The following ADGRL3 variants were observed in gnomAD, a reference collection of about 807,000 sequenced individuals.
ADGRL3 encodes calcium-independent alpha-latrotoxin receptor 3.
In ADGRL3, 62 loss-of-function variants were observed where a neutral mutation model predicts 153.5. The observed-to-expected ratio is 0.40, with a 90% CI of 0.33 to 0.50. The LOEUF (loss-of-function observed/expected upper bound fraction) is 0.50, where lower values mean the gene tolerates loss of function less well. Ranked by LOEUF, ADGRL3 falls within the 20% of genes least tolerant of loss-of-function variation. The pLI, the probability that ADGRL3 is intolerant of heterozygous loss-of-function variation, is 0.47. For missense variants in ADGRL3, 1,641 were observed against 1,859.4 expected (o/e 0.88, Z 2.16); for synonymous variants, 710 against 672.5 (o/e 1.06, Z -0.86).
At chr4:61,411,963 T>C (rs1006467218) in intron 2 of ADGRL3, among the ~76,000 whole-genome samples, 2 of 152,246 alleles carry the variant, frequency 1.3e-5, no homozygotes, top group African/African-American at 2.4e-5. Flanking sequence ...TAACAATGTG[T>C]TAACCCTCAT....
intron 4 of ADGRL3, among the ~76,000 whole-genome samples, chr4:61,524,999 C>A (rs991617822): frequency 6.6e-6 from 1 of 152,000 alleles, no homozygotes; most frequent in African/African-American, 2.4e-5. Context: ...CTTGTGCCTA[C>A]AACATCTATG....
intron 8 of ADGRL3, among the ~76,000 whole-genome samples, chr4:61,801,439 CTG>C (rs938695846): frequency 2.6e-5 from 4 of 152,070 alleles, no homozygotes; most frequent in African/African-American, 9.6e-5. Flanking sequence ...GATTTAAACT[CTG>C]TTGTTCAGCC....
chr4:61,938,509 G>A (rs2098849153), intron 15 of ADGRL3, among the ~76,000 whole-genome samples: 1 of 152,096 alleles, frequency 6.6e-6, no homozygotes, highest in Non-Finnish European at 1.5e-5. Flanking sequence ...AAAGGCTGGA[G>A]AATCAGTCCC....
At chr4:61,843,748 G>A (rs1168414325) in intron 9 of ADGRL3, among the ~76,000 whole-genome samples, 3 of 152,048 alleles carry the variant, frequency 2.0e-5, no homozygotes, top group African/African-American at 4.8e-5. Context: ...GTGGTGCTTC[G>A]TGCCTGCAAT....
At chr4:61,506,017 T>C (rs1260376095) in intron 3 of ADGRL3, among the ~76,000 whole-genome samples, 1 of 152,092 alleles carries the variant, frequency 6.6e-6, no homozygotes, top group Non-Finnish European at 1.5e-5. Flanking sequence ...TATCATCTAA[T>C]CTAAACTGCT....
At chr4:61,473,988 A>G (rs1017346381) in intron 2 of ADGRL3, among the ~76,000 whole-genome samples, 4 of 152,128 alleles carry the variant, frequency 2.6e-5, no homozygotes, top group Non-Finnish European at 4.4e-5. Flanking sequence ...GGAATTGTCA[A>G]TAGGCATTTT....
In ADGRL3 at chr4:62,005,991, CACACACACACACAT is replaced by C. The variant is rs1167785531; in HGVS notation, c.3395+7728_3395+7741del. Among the ~76,000 whole-genome samples, 12 of 86,240 alleles carry C rather than the reference CACACACACACACAT, an allele frequency of 1.4e-4. No homozygotes were observed. In the East Asian group the frequency reaches 5.8e-3, roughly 42 times the overall value. 56.6% of individuals were successfully genotyped at this position (86,240 alleles called of 152,430 possible). A position where few individuals can be genotyped will look rare whatever the true frequency, so the allele number is the denominator to read the frequency against. On this transcript the variant is annotated intron_variant, in intron 21 of 26. Coordinates refer to ENST00000683033, the MANE Select transcript of ADGRL3 (RefSeq NM_001387552.1). Reference sequence around the variant, plus strand: ...ATACACACACACACACACACACACACACACACACACACATATATATATATATATATATATATATA... The same window carrying C: ...ATACACACACACACACACACACACACATATATATATATATATATATATATA...
At chr4:61,466,108 A>G (rs138130858) in intron 2 of ADGRL3, among the ~76,000 whole-genome samples, 238 of 152,162 alleles carry the variant, frequency 1.6e-3, no homozygotes, top group Non-Finnish European at 2.0e-3. Flanking sequence ...GCGACAGAGC[A>G]AGACTCCATC....
chr4:61,534,903 T>G (rs1395757476), intron 4 of ADGRL3, among the ~76,000 whole-genome samples: 3 of 152,234 alleles, frequency 2.0e-5, no homozygotes, highest in South Asian at 2.1e-4. Flanking sequence ...TGACTTCCTC[T>G]TTTCCAATTT....
rs561321748 is a variant in ADGRL3 at position 62,028,897 on chromosome 4, A to T, written c.3422+16A>T. 1.2e-5 allele frequency: 19 copies of T among 1,602,158 alleles called. 2 individuals carry two copies. The South Asian group carries it at 2.1e-4, about 18-fold the overall frequency. On this transcript the variant is annotated intron_variant, in intron 22 of 26. Coordinates refer to ENST00000683033, the MANE Select transcript of ADGRL3 (RefSeq NM_001387552.1). ...CCTTCATCAAGTAAGAATGACCTGA[A>T]TGGCTGATAAATTCCGTTTATCAGT...
chr4:61,502,490 T>C (rs1335634174), intron 3 of ADGRL3, among the ~76,000 whole-genome samples: 1 of 151,948 alleles, frequency 6.6e-6, no homozygotes, highest in East Asian at 1.9e-4. Context: ...ACATGTTTTT[T>C]TTTTTTTTTC....
chr4:61,911,351 G>A (rs2098720942), intron 12 of ADGRL3, among the ~76,000 whole-genome samples: 1 of 152,064 alleles, frequency 6.6e-6, no homozygotes, highest in South Asian at 2.1e-4. Flanking sequence ...ACTAAATAAT[G>A]GGCAAATTTC....
chr4:61,417,057 A>G lies in ADGRL3; in HGVS notation c.-174+33868A>G, dbSNP rs138580097. Among the ~76,000 whole-genome samples, 448 of 152,152 alleles carry G rather than the reference A, an allele frequency of 2.9e-3. 2 individuals carry two copies. The highest frequency in any genetic ancestry group is 0.01 in the African/African-American group (431 of 41,506). On this transcript the variant is annotated intron_variant, in intron 2 of 26. Coordinates refer to ENST00000683033, the MANE Select transcript of ADGRL3 (RefSeq NM_001387552.1). ...AAGGTTCATGCTCCTGTGAGAATCTAATGCCACTGCTGATCTGACAGGAGG... is the reference window on the plus strand; with the variant it reads ...AAGGTTCATGCTCCTGTGAGAATCTGATGCCACTGCTGATCTGACAGGAGG...
At chr4:61,356,045 A>G (rs1383223645) in intron 1 of ADGRL3, among the ~76,000 whole-genome samples, 2 of 152,084 alleles carry the variant, frequency 1.3e-5, no homozygotes, top group African/African-American at 4.8e-5. Context: ...ATACATACAC[A>G]TAGAATGCAG....
Position 61,813,838 on chromosome 4 carries a change from A to C in ADGRL3, c.1429A>C (p.Ile477Leu). 6.3e-7 allele frequency: 1 copy of C among 1,575,976 alleles called. No homozygotes were observed. Among genetic ancestry groups the C allele is most frequent in the Non-Finnish European group, 8.7e-7 (1 of 1,145,428 alleles). Residue 477 changes from isoleucine (I) to leucine (L), a missense_variant, in exon 9 of 27, where the codon ATT (isoleucine) becomes CTT (leucine). By Grantham distance (5) the Ile-to-Leu change is conservative. Around this residue, in one of 5 missense-constraint regions of ADGRL3, gnomAD observed 734 missense variants for 797.0 expected, o/e 0.92. Coordinates refer to ENST00000683033, the MANE Select transcript of ADGRL3 (RefSeq NM_001387552.1). ...GQAHHGQVSY[I>L]SPPIHLDSEL... ...GGCACATCATGGACAAGTTTCATAC[A>C]TTTCTCCGCCAATTCACCTTGACTC...
At chr4:61,496,219 A>G (rs1276734908) in intron 2 of ADGRL3, among the ~76,000 whole-genome samples, 1 of 152,306 alleles carries the variant, frequency 6.6e-6, no homozygotes, top group Admixed American at 6.5e-5. Context: ...TAAGACATAT[A>G]TTTACCTTTT....
In ADGRL3 at chr4:61,517,453, G is replaced by C; in HGVS notation, c.194G>C (p.Gly65Ala). Residue 65 changes from glycine to alanine, a missense_variant, in exon 4 of 27, where the codon GGG becomes GCG. Around this residue, in one of 5 missense-constraint regions of ADGRL3, gnomAD observed 145 missense variants for 79.1 expected, o/e 1.83. Transcript: ENST00000683033. ...CGCACCGCTGCTCATCGTGGACAAG[G>C]GCCCCGTGGAGCTACCAGAGGAGTT... Reference protein sequence around the residue: ...AERTAAHRGQGPRGATRGVRG... With the variant: ...AERTAAHRGQAPRGATRGVRG... 1.2e-6 allele frequency: 1 copy of C among 801,408 alleles called. No homozygotes were observed. Among genetic ancestry groups the C allele is most frequent in the South Asian group, 1.4e-5 (1 of 69,402 alleles). The allele number at this position is 801,408 out of a possible 1,614,324, so 49.6% of individuals were successfully genotyped here.
chr4:61,388,643 T>A (rs2096768404), intron 2 of ADGRL3, among the ~76,000 whole-genome samples: 1 of 152,214 alleles, frequency 6.6e-6, no homozygotes, highest in African/African-American at 2.4e-5. Flanking sequence ...TGTGGATAAT[T>A]ACATCACCCT....
intron 5 of ADGRL3, among the ~76,000 whole-genome samples, chr4:61,592,293 C>T (rs1206211810): frequency 6.6e-6 from 1 of 152,126 alleles, no homozygotes. Context: ...AAGTGTTCTG[C>T]AATAACTGCA....
Sources: gnomAD v4.1 joint callset for allele counts (sites outside exome capture counted in the v4.1 genomes callset) on GRCh38, gnomAD v4.1.1 for gene constraint, gnomAD v4.1.1 regional missense constraint, MANE v1.5 for transcripts, NCBI Gene and HGNC (gene_info 2026-07-23, HGNC 2026-07-21) for gene names.